The following ZNF718 variants were observed in gnomAD, a reference collection of about 807,000 sequenced individuals.
ZNF718 encodes the protein zinc finger protein 718.
A neutral mutation model predicts 2.6 loss-of-function variants in ZNF718; 3 were observed. That is an observed-to-expected ratio of 1.16 (90% confidence interval 0.53 to 3.01). The LOEUF is 3.01. ZNF718 is among the 30% of genes most tolerant of loss of function. The probability of loss-of-function intolerance (pLI) is 0.03; values close to 1 mark genes in which losing one functional copy is unlikely to be tolerated. For missense variants in ZNF718, 468 were observed against 230.0 expected (o/e 2.03, Z -6.69); for synonymous variants, 135 against 77.9 (o/e 1.73, Z -3.86).
intron 1 of ZNF718, chr4:124,975 T>G (rs1553807683): frequency 2.8e-6 from 1 of 355,134 alleles, no homozygotes; most frequent in East Asian, 6.5e-5. Context: ...GGAGCTGTGG[T>G]CCGGAATCCC....
rs1489950892 is a variant in ZNF718 at position 129,309 on chromosome 4, G to A, written c.4-1479G>A. 5.7e-4 allele frequency among the ~76,000 whole-genome samples: 59 copies of A among 104,386 alleles called. 18 individuals carry two copies. The highest frequency in any genetic ancestry group is 1.9e-3 in the African/African-American group (56 of 30,088). 68.5% of individuals were successfully genotyped at this position (104,386 alleles called of 152,430 possible). On this transcript the variant is annotated intron_variant, in intron 1 of 3. Transcript: ENST00000510175. Reference sequence around the variant, plus strand: ...TGGGAATCAAATTTCTCTTGGGCAGGCTTAGAAAAGACAAAACTGAAAATA... The same window carrying A: ...TGGGAATCAAATTTCTCTTGGGCAGACTTAGAAAAGACAAAACTGAAAATA...
chr4:158,050 C>T (rs180952830), intron 3 of ZNF718, among the ~76,000 whole-genome samples: 50 of 152,204 alleles, frequency 3.3e-4, no homozygotes, highest in Middle Eastern at 3.4e-3. Flanking sequence ...TGTATATATA[C>T]ACACATTTGT....
intron 1 of ZNF718, chr4:125,007 G>A: frequency 3.8e-6 from 1 of 260,474 alleles, no homozygotes; most frequent in Non-Finnish European, 7.5e-6. Flanking sequence ...ACCCTGTTCA[G>A]AATGAGATTG....
chr4:139,385 T>C (rs1304484931), intron 3 of ZNF718, among the ~76,000 whole-genome samples: 1 of 152,204 alleles, frequency 6.6e-6, no homozygotes, highest in African/African-American at 2.4e-5. Flanking sequence ...GACTCCCCCA[T>C]TATATTGAGG....
downstream of ZNF718, among the ~76,000 whole-genome samples, chr4:167,193 C>T (rs1717108984): frequency 6.6e-6 from 1 of 152,112 alleles, no homozygotes; most frequent in Non-Finnish European, 1.5e-5. Flanking sequence ...GGGCTCTGTT[C>T]TGTTCCATTG....
chr4:170,300 T>A (rs1457724296), intron 3 of ZNF718, among the ~76,000 whole-genome samples: 1 of 152,196 alleles, frequency 6.6e-6, no homozygotes, highest in East Asian at 1.9e-4. Flanking sequence ...TCATTTCAAC[T>A]TCAGTGAGTC....
chr4:188,980 A>G (rs1307369759), intron 3 of ZNF718, among the ~76,000 whole-genome samples: 4 of 150,514 alleles, frequency 2.7e-5, no homozygotes, highest in Admixed American at 6.6e-5. Context: ...TTGCACATCC[A>G]TATAGAATTT....
chr4:138,816 G>A (rs573532576), intron 3 of ZNF718, among the ~76,000 whole-genome samples: 1 of 151,662 alleles, frequency 6.6e-6, no homozygotes, highest in Admixed American at 6.6e-5. Flanking sequence ...CCTGACTTTT[G>A]GATAAAAGCC....
chr4:175,852 C>CTTTTTTT (rs1158577358), intron 3 of ZNF718, among the ~76,000 whole-genome samples: 25 of 98,922 alleles, frequency 2.5e-4, no homozygotes, highest in Admixed American at 4.9e-4. Flanking sequence ...GATTAACAGT[C>CTTTTTTT]TTTTTTTTTT....
intron 3 of ZNF718, among the ~76,000 whole-genome samples, chr4:175,942 C>T (rs555446591): frequency 3.3e-4 from 49 of 149,398 alleles, no homozygotes; most frequent in African/African-American, 1.1e-3. Flanking sequence ...CTGCAAGCTC[C>T]GCCTCCCAGG....
At chr4:139,271 C>G (rs782397285) in intron 3 of ZNF718, among the ~76,000 whole-genome samples, 5 of 152,192 alleles carry the variant, frequency 3.3e-5, no homozygotes, top group Non-Finnish European at 4.4e-5. Flanking sequence ...AGATTTGTCT[C>G]TAATCCGTTT....
In ZNF718 at chr4:136,467, C is replaced by T. The variant is rs782776095; in HGVS notation, c.226+4962C>T. On this transcript the variant is annotated intron_variant, in intron 3 of 3. Coordinates refer to ENST00000510175, the MANE Select transcript of ZNF718 (RefSeq NM_001039127.6). ...GAGTTTGAGACAGGTTGCAGAACTGCTTCAGCATCCTTAGTAAGACCAAGC... is the reference window on the plus strand; with the variant it reads ...GAGTTTGAGACAGGTTGCAGAACTGTTTCAGCATCCTTAGTAAGACCAAGC... The T allele has an allele frequency of 5.7e-6, 3 of 523,510 alleles. No homozygotes were observed. In the East Asian group the frequency reaches 1.6e-4, roughly 29 times the overall value. The allele number at this position is 523,510 out of a possible 1,614,324, so 32.4% of individuals were successfully genotyped here.
At chr4:177,900 A>G (rs1490177475) in intron 3 of ZNF718, among the ~76,000 whole-genome samples, 1 of 152,114 alleles carries the variant, frequency 6.6e-6, no homozygotes, top group Non-Finnish European at 1.5e-5. Context: ...CAGAAAAAAA[A>G]AGCCCCTGAG....
At chr4:192,659 G>T (rs555906159) in intron 3 of ZNF718, among the ~76,000 whole-genome samples, 1 of 152,164 alleles carries the variant, frequency 6.6e-6, no homozygotes, top group African/African-American at 2.4e-5. Flanking sequence ...AGATTTCCTC[G>T]GGAGGGGTGC....
In ZNF718 at chr4:161,675, G is replaced by A. The variant is rs562621837; in HGVS notation, c.990G>A (p.Lys330=). The A allele has an allele frequency of 6.4e-6, 5 of 779,404 alleles. No individual in the cohort carries two copies. In the African/African-American group the frequency reaches 8.4e-5, roughly 13 times the overall value. 48.3% of individuals were successfully genotyped at this position (779,404 alleles called of 1,614,324 possible). Reference sequence around the variant, plus strand: ...CATCCTCAGACTTTGCTAAACATAAGAGAATTCATACAGGAGAGAAACCCT... The same window carrying A: ...CATCCTCAGACTTTGCTAAACATAAAAGAATTCATACAGGAGAGAAACCCT... ...FTTSSDFAKH[K]RIHTGEKPYK... The change falls in exon 4 of 4, where the codon AAG becomes AAA. Residue 330 remains lysine, a synonymous_variant. Transcript: ENST00000510175.
intron 3 of ZNF718, among the ~76,000 whole-genome samples, chr4:156,273 C>T (rs999520356): frequency 9.9e-5 from 15 of 151,838 alleles, no homozygotes; most frequent in Non-Finnish European, 1.6e-4. Context: ...TTGTATTGTT[C>T]CTGCATTGTT....
chr4:173,661 C>T (rs1385012486), intron 3 of ZNF718, among the ~76,000 whole-genome samples: 4 of 152,088 alleles, frequency 2.6e-5, no homozygotes, highest in African/African-American at 7.2e-5. Context: ...TTACCCTATC[C>T]CAGGCTGTCC....
chr4:161,376 G>C lies in ZNF718; in HGVS notation c.691G>C (p.Glu231Gln). Residue 231 changes from glutamate to glutamine, a missense_variant, in exon 4 of 4, where the codon GAA (glutamate) becomes CAA (glutamine). Coordinates refer to ENST00000510175, the MANE Select transcript of ZNF718 (RefSeq NM_001039127.6). ...CAGAGAGAAATTCTACAAGTGTGAA[G>C]AATGTGGTAAAGGCTTTACTCGGTC... ...HAREKFYKCE[E>Q]CGKGFTRSSH... The C allele has an allele frequency of 1.3e-6, 1 of 779,206 alleles. No homozygotes were observed. Among genetic ancestry groups the C allele is most frequent in the Non-Finnish European group, 2.4e-6 (1 of 417,278 alleles). The allele number at this position is 779,206 out of a possible 1,614,324, so 48.3% of individuals were successfully genotyped here.
In ZNF718 at chr4:150,658, A is replaced by G. The variant is rs1553812347; in HGVS notation, c.227-10254A>G. Among the ~76,000 whole-genome samples, 2 of 152,120 alleles carry G rather than the reference A, an allele frequency of 1.3e-5. 1 individual carries two copies. The highest frequency in any genetic ancestry group is 2.9e-5 in the Non-Finnish European group (2 of 68,008). On this transcript the variant is annotated intron_variant, in intron 3 of 3. Transcript: ENST00000510175. ...TTTTCTTTATCATCTGGCTTTCAAT[A>G]ATTGGATTGATTCCATATATTGGCT... is the stretch of plus-strand genomic sequence containing the variant.
Sources: gnomAD v4.1 joint callset for allele counts (sites outside exome capture counted in the v4.1 genomes callset) on GRCh38, gnomAD v4.1.1 for gene constraint, MANE v1.5 for transcripts, NCBI Gene and HGNC (gene_info 2026-07-23, HGNC 2026-07-21) for gene names.